Variants in ASH1L observed in about 807,000 individuals in gnomAD.
The protein encoded by ASH1L is histone-lysine N-methyltransferase ASH1L.
A neutral mutation model predicts 269.0 loss-of-function variants in ASH1L; 23 were observed. The ratio of observed to expected loss-of-function variants is 0.09; its 90% CI spans 0.06 to 0.12. The LOEUF is 0.12. Ranked by LOEUF, ASH1L falls within the 10% of genes least tolerant of loss-of-function variation. The probability of loss-of-function intolerance (pLI) is 1.00; values close to 1 mark genes in which losing one functional copy is unlikely to be tolerated. For missense variants in ASH1L, 2,912 were observed against 3,567.8 expected (o/e 0.82, Z 4.68); for synonymous variants, 1,187 against 1,253.5 (o/e 0.95, Z 1.12).
At chr1:155,441,911 A>G (rs1056566448) in intron 4 of ASH1L, among the ~76,000 whole-genome samples, 1 of 151,880 alleles carries the variant, frequency 6.6e-6, no homozygotes, top group African/African-American at 2.4e-5. Context: ...GACTACAGGC[A>G]TGCACCAACA....
chr1:155,548,673 C>CTAG (rs1472606520), intron 1 of ASH1L, among the ~76,000 whole-genome samples: 2 of 152,148 alleles, frequency 1.3e-5, no homozygotes, highest in Non-Finnish European at 2.9e-5. Context: ...TTCTGGTATT[C>CTAG]TAGATAAATT....
At chr1:155,366,606 C>A (rs1408068566) in intron 12 of ASH1L, among the ~76,000 whole-genome samples, 1 of 152,196 alleles carries the variant, frequency 6.6e-6, no homozygotes, top group Non-Finnish European at 1.5e-5. Flanking sequence ...AGAGGTCCTA[C>A]AAACTTTCAT....
At chr1:155,512,448 CTTTTTTTTT>C (rs1217608016) in intron 2 of ASH1L, among the ~76,000 whole-genome samples, 2 of 93,696 alleles carry the variant, frequency 2.1e-5, no homozygotes, top group African/African-American at 3.8e-5. Context: ...GGATCTTAGA[CTTTTTTTTT>C]TTTTTTTTTT....
chr1:155,370,999 A>G lies in ASH1L; in HGVS notation c.6333-16T>C. ...AAAGATCATTCTAGAAAAAAAAGGAATAACTGTACATCAACTTACATGATA... is the reference window on the plus strand; with the variant it reads ...AAAGATCATTCTAGAAAAAAAAGGAGTAACTGTACATCAACTTACATGATA... On this transcript the variant is annotated splice_polypyrimidine_tract_variant and intron_variant, in intron 10 of 27. Coordinates refer to ENST00000392403, the MANE Select transcript of ASH1L (RefSeq NM_018489.3). The G allele has an allele frequency of 1.2e-6, 2 of 1,612,966 alleles. No individual in the cohort carries two copies. Among genetic ancestry groups the G allele is most frequent in the Non-Finnish European group, 8.5e-7 (1 of 1,178,956 alleles).
At chr1:155,417,347 C>G (rs2148547422) in intron 5 of ASH1L, among the ~76,000 whole-genome samples, 1 of 152,098 alleles carries the variant, frequency 6.6e-6, no homozygotes, top group Non-Finnish European at 1.5e-5. Context: ...ACTGAGATAG[C>G]TGGAATTTGT....
At chr1:155,512,956 C>T (rs1021541979) in intron 2 of ASH1L, among the ~76,000 whole-genome samples, 1 of 151,862 alleles carries the variant, frequency 6.6e-6, no homozygotes, top group African/African-American at 2.4e-5. Flanking sequence ...TCTTGGGAGG[C>T]TGAGGCGGTA....
chr1:155,390,639 C>CA (rs1044453615), intron 7 of ASH1L, among the ~76,000 whole-genome samples: 13 of 136,374 alleles, frequency 9.5e-5, no homozygotes, highest in Non-Finnish European at 1.9e-4. Flanking sequence ...TTCTCCCCCC[C>CA]CCCCCTTTTT....
At chr1:155,357,782 A>G in intron 13 of ASH1L, 33 bp from the exon 14 acceptor site, 1 of 1,580,150 alleles carries the variant, frequency 6.3e-7, no homozygotes, top group Non-Finnish European at 8.6e-7. Flanking sequence ...TTTTATTTTT[A>G]TTTTTTTAAG....
Position 155,480,397 on chromosome 1 carries a change from T to C in ASH1L, c.2473A>G (p.Lys825Glu), listed in dbSNP as rs759498337. The change falls in exon 3 of 28, where the codon AAG (lysine) becomes GAG (glutamate). Residue 825 changes from lysine (K) to glutamate (E), a missense_variant. Physicochemically the swap from Lys to Glu is moderately conservative, Grantham distance 56. Transcript: ENST00000392403. Reference protein sequence around the residue: ...VSSDLLSDIYKPKRGRPKSKE... With the variant: ...VSSDLLSDIYEPKRGRPKSKE... ...GATTTAGGCCTTCCTCTTTTGGGCT[T>C]ATAAATATCAGACAAAAGGTCACTA... 1.2e-6 allele frequency: 2 copies of C among 1,614,090 alleles called. No homozygotes were observed. Among genetic ancestry groups the C allele is most frequent in the East Asian group, 4.5e-5 (2 of 44,878 alleles).
rs769118389 is a variant in ASH1L at position 155,438,733 on chromosome 1, G to A, written c.5422C>T (p.Arg1808Trp). The change falls in exon 5 of 28, where the codon CGG becomes TGG. Residue 1808 changes from arginine (R) to tryptophan (W), a missense_variant. Arg to Trp is a moderately radical substitution (Grantham distance 101). Around this residue, in one of 13 missense-constraint regions of ASH1L, gnomAD observed 789 missense variants for 897.6 expected, o/e 0.88. Coordinates refer to ENST00000392403, the MANE Select transcript of ASH1L (RefSeq NM_018489.3). The part of the protein sequence containing the change: ...SVVEAMQRQA[R>W]KMCNYDKILA... ...ATTTTGTCGTAATTGCACATTTTCCGAGCTTGGCGTTGCATAGCTTCCACT... is the reference window on the plus strand; with the variant it reads ...ATTTTGTCGTAATTGCACATTTTCCAAGCTTGGCGTTGCATAGCTTCCACT... The A allele has an allele frequency of 5.8e-5, 94 of 1,613,872 alleles. No homozygotes were observed. Among genetic ancestry groups the A allele is most frequent in the Non-Finnish European group, 7.6e-5 (90 of 1,180,010 alleles).
intron 17 of ASH1L, among the ~76,000 whole-genome samples, chr1:155,350,202 A>G (rs1413280645): frequency 6.6e-6 from 1 of 151,476 alleles, no homozygotes; most frequent in Non-Finnish European, 1.5e-5. Context: ...TGTATTTTTA[A>G]TAGAGACAGG....
At chr1:155,378,920 T>C (rs1656701986) in intron 8 of ASH1L, among the ~76,000 whole-genome samples, 1 of 152,098 alleles carries the variant, frequency 6.6e-6, no homozygotes, top group South Asian at 2.1e-4. Flanking sequence ...TGCATAGGAC[T>C]TACTTAGATG....
intron 7 of ASH1L, among the ~76,000 whole-genome samples, chr1:155,385,635 G>A (rs779197658): frequency 1.3e-5 from 2 of 152,018 alleles, no homozygotes; most frequent in African/African-American, 2.4e-5. Context: ...TTCAAGGCAT[G>A]AGCCACCATG....
chr1:155,554,960 T>C (rs1028248383), intron 1 of ASH1L, among the ~76,000 whole-genome samples: 1 of 151,646 alleles, frequency 6.6e-6, no homozygotes, highest in Non-Finnish European at 1.5e-5. Context: ...CTGGCCAACA[T>C]GGTGAAACCC....
chr1:155,346,670 G>A (rs1023562651), intron 20 of ASH1L, among the ~76,000 whole-genome samples: 1 of 152,180 alleles, frequency 6.6e-6, no homozygotes, highest in Admixed American at 6.5e-5. Context: ...AAAGTATACC[G>A]ATTGACTCAT....
intron 26 of ASH1L, 90 bp downstream of exon 26, chr1:155,339,238 T>A (rs1174375047): frequency 8.5e-7 from 1 of 1,172,050 alleles, no homozygotes; most frequent in Non-Finnish European, 1.3e-6. Flanking sequence ...GTCCTAGAAG[T>A]GGAGCTGAGT....
intron 6 of ASH1L, among the ~76,000 whole-genome samples, chr1:155,402,914 T>C (rs1364372587): frequency 6.7e-6 from 1 of 149,736 alleles, no homozygotes; most frequent in South Asian, 2.1e-4. Flanking sequence ...CCGGGTATGG[T>C]TGCCTGTAAT....
At chr1:155,383,758 A>G (rs767624900) in intron 7 of ASH1L, among the ~76,000 whole-genome samples, 36 of 152,204 alleles carry the variant, frequency 2.4e-4, no homozygotes, top group Admixed American at 1.4e-3. Flanking sequence ...AGTGATTACC[A>G]GAGGCTGAGG....
intron 5 of ASH1L, among the ~76,000 whole-genome samples, chr1:155,424,887 C>G (rs1321819951): frequency 1.3e-5 from 2 of 150,776 alleles, no homozygotes; most frequent in African/African-American, 4.9e-5. Context: ...CTCACTGCAA[C>G]CTTCGCTACC....
Sources: gnomAD v4.1 joint callset for allele counts (sites outside exome capture counted in the v4.1 genomes callset) on GRCh38, gnomAD v4.1.1 for gene constraint, gnomAD v4.1.1 regional missense constraint, MANE v1.5 for transcripts, NCBI Gene and HGNC (gene_info 2026-07-23, HGNC 2026-07-21) for gene names.